MPDZ: variants seen among roughly 807,000 people sequenced by gnomAD.
The protein encoded by MPDZ is multiple PDZ domain crumbs cell polarity complex component, also known as multiple PDZ domain protein.
A neutral mutation model predicts 239.1 loss-of-function variants in MPDZ; 234 were observed. The observed-to-expected ratio is 0.98, with a 90% CI of 0.88 to 1.09. The LOEUF is 1.09. Among genes scored for constraint, MPDZ ranks in the 50% least tolerant of loss-of-function variants. The pLI, the probability that MPDZ is intolerant of heterozygous loss-of-function variation, is 0.00. For missense variants in MPDZ, 3,175 were observed against 2,510.0 expected (o/e 1.26, Z -5.66); for synonymous variants, 1,048 against 881.3 (o/e 1.19, Z -3.35).
intron 1 of MPDZ, among the ~76,000 whole-genome samples, chr9:13,274,907 C>T (rs796685531): frequency 6.6e-6 from 1 of 151,782 alleles, no homozygotes; most frequent in African/African-American, 2.4e-5. Context: ...TTTAAGAAAA[C>T]GAATGCTTTT....
intron 29 of MPDZ, among the ~76,000 whole-genome samples, chr9:13,137,238 G>A (rs1946959042): frequency 6.6e-6 from 1 of 152,090 alleles, no homozygotes; most frequent in East Asian, 1.9e-4. Context: ...AGGTCACTGG[G>A]AGAAGAAATG....
intron 19 of MPDZ, among the ~76,000 whole-genome samples, chr9:13,182,821 G>A (rs568353352): frequency 1.3e-5 from 2 of 152,188 alleles, no homozygotes; most frequent in South Asian, 4.2e-4. Flanking sequence ...GGGCATTTAT[G>A]CCAATAATCT....
At chr9:13,116,763 C>T (rs552041408) in intron 39 of MPDZ, among the ~76,000 whole-genome samples, 11 of 151,850 alleles carry the variant, frequency 7.2e-5, no homozygotes, top group South Asian at 6.2e-4. Flanking sequence ...GATTTACGCC[C>T]AGTAAAAAGA....
chr9:13,225,561 G>C (rs1055163563), intron 3 of MPDZ, among the ~76,000 whole-genome samples: 8 of 151,804 alleles, frequency 5.3e-5, no homozygotes, highest in Non-Finnish European at 4.4e-5. Context: ...TCCTATACAG[G>C]TGTACCATTT....
At chr9:13,212,068 T>C (rs1957684968) in intron 10 of MPDZ, among the ~76,000 whole-genome samples, 1 of 152,110 alleles carries the variant, frequency 6.6e-6, no homozygotes, top group African/African-American at 2.4e-5. Flanking sequence ...GTTTTTTATC[T>C]GCAAAACATT....
At chr9:13,196,333 C>G (rs1955642557) in intron 12 of MPDZ, 103 bp from the exon 13 acceptor site, 3 of 691,708 alleles carry the variant, frequency 4.3e-6, no homozygotes, top group Non-Finnish European at 7.3e-6. Context: ...TGTATCACGT[C>G]AGACTCTTCG....
intron 14 of MPDZ, among the ~76,000 whole-genome samples, chr9:13,192,636 TTA>T (rs1955093688): frequency 6.6e-6 from 1 of 152,010 alleles, no homozygotes; most frequent in Non-Finnish European, 1.5e-5. Flanking sequence ...TTTTGTATAA[TTA>T]TAAAGTAAAA....
intron 3 of MPDZ, among the ~76,000 whole-genome samples, chr9:13,224,920 C>T (rs1283722578): frequency 1.3e-5 from 2 of 152,026 alleles, no homozygotes; most frequent in African/African-American, 2.4e-5. Flanking sequence ...ATGAAGTAAC[C>T]TCTAAACTCT....
chr9:13,186,335 G>A lies in MPDZ; in HGVS notation c.2416C>T (p.Pro806Ser), dbSNP rs1563984053. ...VSAKEDSFLY[P>S]PHSCEEAGLA... ...CCTGCTTCCTCACAGGAGTGTGGTG[G>A]GTAGAGAAAGGAATCCTCCTTAGCA... Residue 806 changes from proline (P) to serine (S), a missense_variant, in exon 18 of 47, where the codon CCA becomes TCA. Coordinates refer to ENST00000319217, the MANE Select transcript of MPDZ (RefSeq NM_001378778.1). 2 of 1,593,480 alleles carry A rather than the reference G, an allele frequency of 1.3e-6. No individual in the cohort carries two copies. Among genetic ancestry groups the A allele is most frequent in the Non-Finnish European group, 8.6e-7 (1 of 1,169,474 alleles).
At chr9:13,157,873 C>T (rs1950014620) in intron 24 of MPDZ, 145 bp downstream of exon 24, 2 of 667,330 alleles carry the variant, frequency 3.0e-6, no homozygotes, top group Non-Finnish European at 5.4e-6. Flanking sequence ...CCACTGTATA[C>T]ATTAAAAAAT....
rs951705572 is a variant in MPDZ at position 13,123,358 on chromosome 9, A to C, written c.4808-60T>G. ...ATTGGTTACTAAGGCATATCCATCA[A>C]ACTCATCACACAGATTGACTCTGAG... On this transcript the variant is annotated intron_variant, in intron 35 of 46. Coordinates refer to ENST00000319217, the MANE Select transcript of MPDZ (RefSeq NM_001378778.1). 5.9e-5 allele frequency: 85 copies of C among 1,433,152 alleles called. No individual in the cohort carries two copies. The African/African-American group carries it at 1.1e-3, about 19-fold the overall frequency. The allele number at this position is 1,433,152 out of a possible 1,614,324, so 88.8% of individuals were successfully genotyped here.
At chr9:13,261,502 CCTTT>C (rs1429036328) in intron 1 of MPDZ, among the ~76,000 whole-genome samples, 2 of 151,926 alleles carry the variant, frequency 1.3e-5, no homozygotes, top group Non-Finnish European at 2.9e-5. Context: ...TACCCTTGTT[CCTTT>C]ATTTCATTTG....
intron 3 of MPDZ, among the ~76,000 whole-genome samples, chr9:13,237,441 CAAAAAAAA>C (rs71331532): frequency 9.1e-5 from 5 of 54,692 alleles, no homozygotes; most frequent in African/African-American, 1.3e-4. Flanking sequence ...GACACTGTCT[CAAAAAAAA>C]AAAAAAAAAA....
intron 10 of MPDZ, among the ~76,000 whole-genome samples, chr9:13,212,025 T>C (rs975241089): frequency 3.3e-5 from 5 of 152,086 alleles, no homozygotes; most frequent in African/African-American, 9.7e-5. Context: ...TGGGGCTCCA[T>C]GAAAATTCAT....
At chr9:13,274,235 AC>A (rs1973657425) in intron 1 of MPDZ, among the ~76,000 whole-genome samples, 1 of 151,592 alleles carries the variant, frequency 6.6e-6, no homozygotes, top group Non-Finnish European at 1.5e-5. Flanking sequence ...AACATAAGCA[AC>A]AACATTAAGT....
intron 3 of MPDZ, among the ~76,000 whole-genome samples, chr9:13,238,563 T>A (rs1269382178): frequency 6.6e-6 from 1 of 152,180 alleles, no homozygotes; most frequent in Non-Finnish European, 1.5e-5. Context: ...CCCACCCACA[T>A]GTGTCCGTGT....
intron 10 of MPDZ, among the ~76,000 whole-genome samples, chr9:13,215,050 T>C (rs576759948): frequency 2.0e-5 from 3 of 151,986 alleles, no homozygotes; most frequent in African/African-American, 4.8e-5. Context: ...TATATTCACA[T>C]CATTGTGCAA....
At position 13,150,560 on chromosome 9, in the gene MPDZ, C is replaced by G; in HGVS notation, c.3581G>C (p.Ser1194Thr). 6.3e-7 allele frequency: 1 copy of G among 1,575,042 alleles called. No homozygotes were observed. The highest frequency in any genetic ancestry group is 8.6e-7 in the Non-Finnish European group (1 of 1,159,044). ...CAAGGTTCCATTTTTGCCAGCTGGA[C>G]TATCTTCCAGAACATGTTTGATGAA... ...GIFIKHVLEDSPAGKNGTLKP... is the reference protein window; with the variant it reads ...GIFIKHVLEDTPAGKNGTLKP... Residue 1194 changes from serine (S) to threonine (T), a missense_variant, in exon 25 of 47, where the codon AGT (serine) becomes ACT (threonine). Coordinates refer to ENST00000319217, the MANE Select transcript of MPDZ (RefSeq NM_001378778.1).
At chr9:13,270,610 T>C (rs973667506) in intron 1 of MPDZ, among the ~76,000 whole-genome samples, 6 of 152,120 alleles carry the variant, frequency 3.9e-5, no homozygotes, top group Non-Finnish European at 4.4e-5. Flanking sequence ...ACTGATTATA[T>C]TTTGAAAGAA....
Sources: gnomAD v4.1 joint callset for allele counts (sites outside exome capture counted in the v4.1 genomes callset) on GRCh38, gnomAD v4.1.1 for gene constraint, MANE v1.5 for transcripts, NCBI Gene and HGNC (gene_info 2026-07-23, HGNC 2026-07-21) for gene names.